MKLN1: variants seen among roughly 807,000 people sequenced by gnomAD.
The protein encoded by MKLN1 is muskelin.
Under a neutral mutation model 99.0 loss-of-function variants are expected in MKLN1, and 18 were observed. The observed-to-expected ratio is 0.18, with a 90% CI of 0.13 to 0.27. MKLN1 has a LOEUF of 0.27. Ranked by LOEUF, MKLN1 falls within the 10% of genes least tolerant of loss-of-function variation. The pLI is 1.00. For synonymous variants in MKLN1, 288 were observed against 293.2 expected (o/e 0.98, Z 0.18); for missense variants, 621 against 875.9 (o/e 0.71, Z 3.67).
upstream of MKLN1, among the ~76,000 whole-genome samples, chr7:131,325,740 G>A (rs531607750): frequency 1.5e-3 from 221 of 151,878 alleles, no homozygotes; most frequent in Middle Eastern, 6.8e-3. Context: ...GGACCAAACA[G>A]TCTACAGGAT....
intron 11 of MKLN1, among the ~76,000 whole-genome samples, chr7:131,445,002 C>T (rs1478541221): frequency 6.6e-6 from 1 of 151,998 alleles, no homozygotes; most frequent in African/African-American, 2.4e-5. Flanking sequence ...GTTGCTTTGT[C>T]TGTCTATAAT....
intron 4 of MKLN1, among the ~76,000 whole-genome samples, chr7:131,396,762 G>C (rs1254230299): frequency 6.6e-6 from 1 of 152,052 alleles, no homozygotes; most frequent in Admixed American, 6.5e-5. Context: ...AATGAGATCT[G>C]TTTGGTTACA....
At chr7:131,445,750 C>CT (rs748046772) in intron 11 of MKLN1, 24 bp from the exon 12 acceptor site, 51,049 of 1,069,220 alleles carry the variant, frequency 0.048, 1 homozygote, top group South Asian at 0.057. Flanking sequence ...TTACTCCTTT[C>CT]TTTTTTTTTT....
intron 3 of MKLN1, among the ~76,000 whole-genome samples, chr7:131,216,375 A>T (rs1188667046): frequency 2.0e-5 from 3 of 150,804 alleles, no homozygotes; most frequent in African/African-American, 7.3e-5. Context: ...GTGAGCCGAC[A>T]TTGCGCCACT....
At chr7:131,183,886 A>T (rs1796410189) in intron 2 of MKLN1, among the ~76,000 whole-genome samples, 1 of 152,058 alleles carries the variant, frequency 6.6e-6, no homozygotes, top group Admixed American at 6.6e-5. Context: ...GACTGAGAAC[A>T]GGAAGCTTGT....
intron 3 of MKLN1, among the ~76,000 whole-genome samples, chr7:131,207,080 A>G (rs903853602): frequency 2.0e-5 from 3 of 152,156 alleles, no homozygotes; most frequent in Non-Finnish European, 4.4e-5. Flanking sequence ...AATACAGAAG[A>G]GGCATTTACT....
At chr7:131,369,626 C>T (rs573209653) in intron 1 of MKLN1, among the ~76,000 whole-genome samples, 2 of 152,254 alleles carry the variant, frequency 1.3e-5, no homozygotes, top group East Asian at 3.9e-4. Context: ...ATATGAGTTG[C>T]AGAGAATTTT....
chr7:131,356,955 G>T (rs1381714947), intron 1 of MKLN1, among the ~76,000 whole-genome samples: 1 of 152,092 alleles, frequency 6.6e-6, no homozygotes, highest in Non-Finnish European at 1.5e-5. Context: ...CTTTAGAACA[G>T]TAAGGAAAGG....
intron 15 of MKLN1, 24 bp downstream of exon 15, chr7:131,466,439 C>T (rs770560418): frequency 1.3e-6 from 2 of 1,494,212 alleles, no homozygotes; most frequent in Admixed American, 3.8e-5. Context: ...TCACTGAAAA[C>T]ATTTAATTAA....
At chr7:131,263,861 C>T (rs1308765798) in intron 3 of MKLN1, among the ~76,000 whole-genome samples, 2 of 152,044 alleles carry the variant, frequency 1.3e-5, no homozygotes, top group South Asian at 2.1e-4. Flanking sequence ...TGAGCCACCA[C>T]GCCCAGCCTG....
chr7:131,437,675 C>G (rs556035949), intron 9 of MKLN1, 110 bp from the exon 10 acceptor site: 26 of 822,126 alleles, frequency 3.2e-5, no homozygotes, highest in Non-Finnish European at 4.1e-5. Flanking sequence ...TCTGAGAAAC[C>G]TTTTAATGAA....
At chr7:131,443,226 T>C (rs375240589) in intron 10 of MKLN1, among the ~76,000 whole-genome samples, 2 of 152,216 alleles carry the variant, frequency 1.3e-5, no homozygotes, top group South Asian at 4.1e-4. Context: ...CATTGGTTGA[T>C]TTTGATAAAA....
chr7:131,429,215 G>A (rs1161631300), intron 9 of MKLN1, 70 bp downstream of exon 9: 4 of 1,034,698 alleles, frequency 3.9e-6, no homozygotes, highest in Non-Finnish European at 5.8e-6. Context: ...TTTTCGGCAT[G>A]ATTATATTCT....
At chr7:131,227,245 T>C (rs932439717) in intron 3 of MKLN1, among the ~76,000 whole-genome samples, 11 of 152,330 alleles carry the variant, frequency 7.2e-5, no homozygotes, top group East Asian at 5.8e-4. Context: ...TCCTTGCCTC[T>C]GGGCACAACC....
intron 8 of MKLN1, among the ~76,000 whole-genome samples, chr7:131,416,763 C>A (rs1795028935): frequency 6.6e-6 from 1 of 151,716 alleles, no homozygotes; most frequent in Non-Finnish European, 1.5e-5. Context: ...GGGAGGATCC[C>A]TTGATCCCAC....
At chr7:131,261,528 C>T (rs1040779566) in intron 3 of MKLN1, among the ~76,000 whole-genome samples, 1 of 152,202 alleles carries the variant, frequency 6.6e-6, no homozygotes, top group Non-Finnish European at 1.5e-5. Context: ...AAAGGCAACA[C>T]TTATACATTG....
chr7:131,465,958 CATT>C (rs997932646), intron 14 of MKLN1, among the ~76,000 whole-genome samples: 8 of 152,118 alleles, frequency 5.3e-5, no homozygotes, highest in African/African-American at 1.9e-4. Flanking sequence ...ATTTTATCCC[CATT>C]ATTTGTTGTC....
intron 3 of MKLN1, among the ~76,000 whole-genome samples, chr7:131,268,138 A>G (rs576332730): frequency 6.6e-6 from 1 of 152,358 alleles, no homozygotes; most frequent in Non-Finnish European, 1.5e-5. Flanking sequence ...TCTCCCAAGA[A>G]TATAAAAATG....
intron 2 of MKLN1, among the ~76,000 whole-genome samples, chr7:131,386,266 C>T (rs1254326836): frequency 6.6e-6 from 1 of 152,156 alleles, no homozygotes; most frequent in Non-Finnish European, 1.5e-5. Flanking sequence ...CCCACCTCGG[C>T]CTCCCAAAGT....
Sources: allele counts gnomAD v4.1 joint callset (sites outside exome capture counted in the v4.1 genomes callset), GRCh38; gene constraint gnomAD v4.1.1; transcripts MANE v1.5; gene names NCBI Gene and HGNC (gene_info 2026-07-23, HGNC 2026-07-21).